Variants in MEGF10 observed in about 807,000 individuals in gnomAD.
MEGF10 encodes multiple EGF like domains 10, also known as multiple epidermal growth factor-like domains protein 10.
In MEGF10, 86 loss-of-function variants were observed where a neutral mutation model predicts 147.5. The observed-to-expected ratio is 0.58, with a 90% confidence interval of 0.49 to 0.70. The LOEUF (loss-of-function observed/expected upper bound fraction) is 0.70. Among genes scored for constraint, MEGF10 ranks in the 30% least tolerant of loss-of-function variants. The pLI, the probability that MEGF10 is intolerant of heterozygous loss-of-function variation, is 0.00. For missense variants in MEGF10, 1,329 were observed against 1,487.3 expected (o/e 0.89, Z 1.75); for synonymous variants, 478 against 525.5 (o/e 0.91, Z 1.24).
the MEGF10 span, among the ~76,000 whole-genome samples, chr5:127,250,915 A>T: frequency 6.6e-6 from 1 of 152,022 alleles, no homozygotes; most frequent in African/African-American, 2.4e-5. Context: ...TACAATAATA[A>T]TAAAAAACCC....
intron 2 of MEGF10, among the ~76,000 whole-genome samples, chr5:127,338,108 A>G (rs950488755): frequency 2.0e-5 from 3 of 152,094 alleles, no homozygotes; most frequent in Non-Finnish European, 2.9e-5. Context: ...GGTTCTGTCT[A>G]ACCTGAATTC....
chr5:127,298,933 T>G (rs1374795768), intron 1 of MEGF10, among the ~76,000 whole-genome samples: 1 of 152,166 alleles, frequency 6.6e-6, no homozygotes, highest in Non-Finnish European at 1.5e-5. Flanking sequence ...GGTCAAGGCC[T>G]TCCACAGTTA....
chr5:127,237,356 G>A, the MEGF10 span, among the ~76,000 whole-genome samples: 3 of 152,144 alleles, frequency 2.0e-5, no homozygotes, highest in Non-Finnish European at 4.4e-5. Context: ...GCTGGGCGTG[G>A]TGGTGGGTGC....
upstream of MEGF10, among the ~76,000 whole-genome samples, chr5:127,288,295 A>C (rs989442749): frequency 1.3e-4 from 20 of 152,258 alleles, no homozygotes; most frequent in African/African-American, 3.6e-4. Context: ...GACACTATTA[A>C]GAAATTGAAA....
At chr5:127,253,320 A>G in the MEGF10 span, among the ~76,000 whole-genome samples, 8 of 152,120 alleles carry the variant, frequency 5.3e-5, no homozygotes, top group South Asian at 6.2e-4. Flanking sequence ...TGAAAGAAAT[A>G]GATAATCAAG....
the MEGF10 span, among the ~76,000 whole-genome samples, chr5:127,269,840 C>T: frequency 4.6e-5 from 7 of 152,232 alleles, no homozygotes; most frequent in African/African-American, 7.2e-5. Flanking sequence ...AGAGAAAGGT[C>T]GGGTACACAC....
At chr5:127,424,650 A>G in intron 13 of MEGF10, 1 of 1,033,594 alleles carries the variant, frequency 9.7e-7, no homozygotes, top group South Asian at 3.0e-5. Context: ...GAAACAGGCT[A>G]AGGCTGGTGC....
At chr5:127,454,537 T>C (rs1468052486) in intron 22 of MEGF10, 29 bp from the exon 23 acceptor site, 2 of 1,597,620 alleles carry the variant, frequency 1.3e-6, no homozygotes, top group Non-Finnish European at 1.7e-6. Context: ...CAGTTCTCAC[T>C]GGGTGTTTTT....
chr5:127,357,588 A>AAAATAAATAAATAAAT lies in MEGF10; in HGVS notation c.320-12294_320-12279dup, dbSNP rs71573990. 2.9e-3 allele frequency among the ~76,000 whole-genome samples: 391 copies of AAAATAAATAAATAAAT among 132,602 alleles called. 1 individual carries two copies. The highest frequency in any genetic ancestry group is 6.3e-3 in the East Asian group (29 of 4,622). The allele number at this position is 132,602 out of a possible 152,430, so 87.0% of individuals were successfully genotyped here. ...AGGTGACAGAACAAGACCCTGCCTCAAAATAAATAAATAAATAAATAAATA... is the reference window on the plus strand; with the variant it reads ...AGGTGACAGAACAAGACCCTGCCTCAAAATAAATAAATAAATAAATAAATAAATAAATAAATAAATA... On this transcript the variant is annotated intron_variant, in intron 4 of 24. Coordinates refer to ENST00000503335, the MANE Select transcript of MEGF10 (RefSeq NM_001256545.2).
intron 1 of MEGF10, among the ~76,000 whole-genome samples, chr5:127,312,021 C>T (rs549490186): frequency 6.6e-6 from 1 of 152,242 alleles, no homozygotes; most frequent in South Asian, 2.1e-4. Context: ...AGCATCCCAT[C>T]ACAACTCCTA....
chr5:127,423,420 G>A (rs1200690890), intron 13 of MEGF10, among the ~76,000 whole-genome samples: 2 of 152,190 alleles, frequency 1.3e-5, no homozygotes, highest in African/African-American at 4.8e-5. Flanking sequence ...ATACAGACTT[G>A]CTAAGATATT....
intron 1 of MEGF10, among the ~76,000 whole-genome samples, chr5:127,309,994 T>TTTCTTTCTTTCTTTCTTTCCTTCCTTCC: frequency 1.8e-5 from 1 of 56,868 alleles, no homozygotes; most frequent in African/African-American, 6.9e-5. Context: ...TCTTTCTTTC[T>TTTCTTTCTTTCTTTCTTTCCTTCCTTCC]TTCCTTCCTT....
In MEGF10 at chr5:127,322,596, A is replaced by G. The variant is rs78500523; in HGVS notation, c.-18-8695A>G. On this transcript the variant is annotated intron_variant, in intron 1 of 24. Transcript: ENST00000503335. ...CTACGTGGTACTACTCTCACATTAG[A>G]TTGTTAATTCTTTGAGGGTAAACAT... Among the ~76,000 whole-genome samples the G allele has an allele frequency of 2.3e-4, 35 of 152,236 alleles. No individual in the cohort carries two copies. The East Asian group carries it at 5.2e-3, about 23-fold the overall frequency.
intron 5 of MEGF10, among the ~76,000 whole-genome samples, chr5:127,391,490 C>G (rs187741988): frequency 6.6e-6 from 1 of 151,446 alleles, no homozygotes; most frequent in Non-Finnish European, 1.5e-5. Context: ...ATCACTTGAG[C>G]CCAGGGAAGG....
chr5:127,246,935 T>C, the MEGF10 span, among the ~76,000 whole-genome samples: 1 of 113,172 alleles, frequency 8.8e-6, no homozygotes, highest in Admixed American at 9.5e-5. Context: ...CAATAATATA[T>C]GATTATATTA....
chr5:127,410,408 G>C lies in MEGF10; in HGVS notation c.937G>C (p.Val313Leu). 6.2e-7 allele frequency: 1 copy of C among 1,614,232 alleles called. No homozygotes were observed. Among genetic ancestry groups the C allele is most frequent in the Non-Finnish European group, 8.5e-7 (1 of 1,180,032 alleles). ...TGERCQDECP[V>L]GTYGVLCAET... Reference sequence around the variant, plus strand: ...TGGTAGGTGCCAGGATGAGTGTCCTGTTGGGACCTATGGCGTTCTCTGTGC... The same window carrying C: ...TGGTAGGTGCCAGGATGAGTGTCCTCTTGGGACCTATGGCGTTCTCTGTGC... The change falls in exon 9 of 25, where the codon GTT becomes CTT. Residue 313 changes from valine (V) to leucine (L), a missense_variant. Around this residue, in one of 3 missense-constraint regions of MEGF10, gnomAD observed 980 missense variants for 1,085.9 expected, o/e 0.90. Transcript: ENST00000503335.
intron 1 of MEGF10, among the ~76,000 whole-genome samples, chr5:127,299,439 T>G (rs1316959855): frequency 6.6e-6 from 1 of 152,202 alleles, no homozygotes; most frequent in Non-Finnish European, 1.5e-5. Flanking sequence ...ATACCCTCCC[T>G]CACCCCTAAC....
chr5:127,433,915 C>T (rs1211373615), intron 14 of MEGF10, among the ~76,000 whole-genome samples: 1 of 152,208 alleles, frequency 6.6e-6, no homozygotes, highest in Non-Finnish European at 1.5e-5. Flanking sequence ...TGAGGCAAAT[C>T]ATTCATCCTG....
At position 127,424,241 on chromosome 5, in the gene MEGF10, C is replaced by T. The variant is rs180697819; in HGVS notation, c.1693+1469C>T. On this transcript the variant is annotated intron_variant, in intron 13 of 24. Coordinates refer to ENST00000503335, the MANE Select transcript of MEGF10 (RefSeq NM_001256545.2). ...TCATTTCATTTGTCTATATATCTCT[C>T]CTTATGCCAGCACCATACAGTTTTG... 40 of 673,544 alleles carry T rather than the reference C, an allele frequency of 5.9e-5. No homozygotes were observed. The African/African-American group carries it at 7.0e-4, about 12-fold the overall frequency. The allele number at this position is 673,544 out of a possible 1,614,324, so 41.7% of individuals were successfully genotyped here.
Sources: allele counts gnomAD v4.1 joint callset (sites outside exome capture counted in the v4.1 genomes callset), GRCh38; gene constraint gnomAD v4.1.1; regional missense constraint gnomAD v4.1.1; transcripts MANE v1.5; gene names NCBI Gene and HGNC (gene_info 2026-07-23, HGNC 2026-07-21).